Variants in RABGAP1L observed in about 807,000 individuals in gnomAD.
The protein encoded by RABGAP1L is RAB GTPase activating protein 1 like.
In RABGAP1L, 63 loss-of-function variants were observed where a neutral mutation model predicts 137.7. That is an observed-to-expected ratio of 0.46 (90% CI 0.37 to 0.56). RABGAP1L has a LOEUF of 0.56. Among genes scored for constraint, RABGAP1L ranks in the 20% least tolerant of loss-of-function variants. The pLI is 0.00. For missense variants in RABGAP1L, 1,095 were observed against 1,244.0 expected, an observed-to-expected ratio of 0.88 and a Z score of 1.80; for synonymous variants, 431 against 433.7, an observed-to-expected ratio of 0.99 and a Z score of 0.08.
chr1:174,634,019 A>C (rs201355266), intron 13 of RABGAP1L, among the ~76,000 whole-genome samples: 306 of 102,942 alleles, frequency 3.0e-3, no homozygotes, highest in African/African-American at 5.6e-3. Context: ...GCAACAAAAG[A>C]CAAAATTGAC....
chr1:174,787,027 C>T (rs778210782), intron 18 of RABGAP1L, among the ~76,000 whole-genome samples: 13 of 152,004 alleles, frequency 8.6e-5, no homozygotes, highest in African/African-American at 2.2e-4. Flanking sequence ...AAATAATTGT[C>T]GTAGAAGAGT....
chr1:174,285,656 T>C (rs1675996181), intron 10 of RABGAP1L, among the ~76,000 whole-genome samples: 1 of 152,152 alleles, frequency 6.6e-6, no homozygotes, highest in Non-Finnish European at 1.5e-5. Flanking sequence ...TTCAGTACTA[T>C]GTTGAATAGA....
intron 13 of RABGAP1L, among the ~76,000 whole-genome samples, chr1:174,588,589 T>G (rs1301166055): frequency 1.3e-5 from 2 of 152,194 alleles, no homozygotes; most frequent in African/African-American, 4.8e-5. Flanking sequence ...ACATCTCCAC[T>G]TTGCCCCCAC....
chr1:174,771,151 A>G (rs1686081022), intron 18 of RABGAP1L, among the ~76,000 whole-genome samples: 1 of 152,246 alleles, frequency 6.6e-6, no homozygotes, highest in Admixed American at 6.5e-5. Flanking sequence ...TTGCCATGGC[A>G]CATTTGAGGG....
chr1:174,866,965 G>A (rs533652652), intron 19 of RABGAP1L, among the ~76,000 whole-genome samples: 2 of 151,858 alleles, frequency 1.3e-5, no homozygotes, highest in Non-Finnish European at 2.9e-5. Flanking sequence ...GGTGGCGCTT[G>A]TAGTCCCAAT....
intron 1 of RABGAP1L, among the ~76,000 whole-genome samples, chr1:174,203,519 A>G (rs1238741437): frequency 6.6e-6 from 1 of 152,106 alleles, no homozygotes; most frequent in Non-Finnish European, 1.5e-5. Flanking sequence ...GCCCTGTAGT[A>G]TAGTTTGAAG....
chr1:174,225,469 G>C (rs1350041019), intron 3 of RABGAP1L, among the ~76,000 whole-genome samples: 1 of 86,666 alleles, frequency 1.2e-5, no homozygotes, highest in African/African-American at 4.2e-5. Flanking sequence ...ACTATTTCTT[G>C]TTAAAATCCT....
chr1:174,332,261 C>CA (rs1337430579), intron 11 of RABGAP1L, among the ~76,000 whole-genome samples: 1 of 152,062 alleles, frequency 6.6e-6, no homozygotes, highest in African/African-American at 2.4e-5. Context: ...CATAAGTGGA[C>CA]AATCTAATAA....
chr1:174,954,427 T>G (rs1668203113), intron 19 of RABGAP1L, among the ~76,000 whole-genome samples: 1 of 152,190 alleles, frequency 6.6e-6, no homozygotes, highest in South Asian at 2.1e-4. Context: ...AAAAAAATGT[T>G]TCACTTTGAA....
At chr1:174,912,505 T>A (rs1215394961) in intron 19 of RABGAP1L, among the ~76,000 whole-genome samples, 1 of 152,198 alleles carries the variant, frequency 6.6e-6, no homozygotes, top group African/African-American at 2.4e-5. Flanking sequence ...AAATGTCTTA[T>A]GACTTAAAAA....
At chr1:174,332,354 C>G (rs550120496) in intron 11 of RABGAP1L, among the ~76,000 whole-genome samples, 5 of 151,844 alleles carry the variant, frequency 3.3e-5, no homozygotes, top group Admixed American at 2.6e-4. Flanking sequence ...GTTGTTTATA[C>G]TCTTTGAAGG....
chr1:174,373,836 T>C (rs1005350941), intron 12 of RABGAP1L, among the ~76,000 whole-genome samples: 12 of 152,166 alleles, frequency 7.9e-5, no homozygotes, highest in Admixed American at 4.6e-4. Flanking sequence ...GTCTGCAGAT[T>C]CTCAGCCCTT....
At chr1:174,664,723 C>CTGCTTTTTTTTTTT (rs1557963963) in intron 14 of RABGAP1L, among the ~76,000 whole-genome samples, 2 of 111,412 alleles carry the variant, frequency 1.8e-5, no homozygotes, top group African/African-American at 9.1e-5. Flanking sequence ...TTCTTTCTTT[C>CTGCTTTTTTTTTTT]TTTCTGCTTT....
At chr1:174,598,889 T>C (rs1670197875) in intron 13 of RABGAP1L, among the ~76,000 whole-genome samples, 1 of 152,198 alleles carries the variant, frequency 6.6e-6, no homozygotes, top group Non-Finnish European at 1.5e-5. Flanking sequence ...TTGGAGACTT[T>C]AGTTCACTTA....
intron 13 of RABGAP1L, among the ~76,000 whole-genome samples, chr1:174,574,725 A>G (rs1384240826): frequency 2.0e-5 from 3 of 152,136 alleles, no homozygotes; most frequent in African/African-American, 7.2e-5. Context: ...TTCTTCTTAG[A>G]TATCATTACC....
chr1:174,713,418 G>A (rs1347507963), intron 17 of RABGAP1L, among the ~76,000 whole-genome samples: 1 of 152,202 alleles, frequency 6.6e-6, no homozygotes, highest in Non-Finnish European at 1.5e-5. Flanking sequence ...ATTGCTGGAG[G>A]TGAGGCCTTG....
At chr1:174,529,176 T>C (rs996728420) in intron 13 of RABGAP1L, among the ~76,000 whole-genome samples, 3 of 152,054 alleles carry the variant, frequency 2.0e-5, no homozygotes, top group African/African-American at 7.2e-5. Context: ...AATTATTGTG[T>C]TTCTTTGGAG....
chr1:174,643,418 G>A (rs1674693820), intron 14 of RABGAP1L, among the ~76,000 whole-genome samples: 1 of 152,026 alleles, frequency 6.6e-6, no homozygotes, highest in South Asian at 2.1e-4. Context: ...TGAACCCCTG[G>A]GGCCACCTGC....
At chr1:174,190,256 TCACACCACTG>T (rs1372048807) in intron 1 of RABGAP1L, among the ~76,000 whole-genome samples, 1 of 132,820 alleles carries the variant, frequency 7.5e-6, no homozygotes, top group Non-Finnish European at 1.5e-5. Flanking sequence ...TGAGCCAAGA[TCACACCACTG>T]CACTCCACCC....
Sources: gnomAD v4.1 joint callset for allele counts (sites outside exome capture counted in the v4.1 genomes callset) on GRCh38, gnomAD v4.1.1 for gene constraint, MANE v1.5 for transcripts, NCBI Gene and HGNC (gene_info 2026-07-23, HGNC 2026-07-21) for gene names.